MGAM2: variants seen among roughly 807,000 people sequenced by gnomAD.
MGAM2 encodes the protein probable maltase-glucoamylase 2.
MGAM2 carries 98 observed loss-of-function variants against 96.1 expected under a neutral mutation model. The observed-to-expected ratio is 1.02, with a 90% confidence interval of 0.87 to 1.21. The LOEUF is 1.21. Among genes scored for constraint, MGAM2 ranks in the 50% most tolerant of loss-of-function variants. The probability of loss-of-function intolerance (pLI) is 0.00; values close to 1 mark genes in which losing one functional copy is unlikely to be tolerated. For missense variants in MGAM2, 2,055 were observed against 1,182.4 expected (o/e 1.74, Z -10.82); for synonymous variants, 749 against 414.8 (o/e 1.81, Z -9.79).
At chr7:142,201,459 A>T (rs1347139612) in intron 45 of MGAM2, among the ~76,000 whole-genome samples, 1 of 152,166 alleles carries the variant, frequency 6.6e-6, no homozygotes, top group African/African-American at 2.4e-5. Flanking sequence ...ACTGTCTTTT[A>T]ATCAACTTTA....
chr7:142,131,671 G>A (rs576627214), intron 5 of MGAM2, 44 bp downstream of exon 5: 1 of 698,950 alleles, frequency 1.4e-6, no homozygotes, highest in East Asian at 2.7e-5. Context: ...GAAGAAAGCA[G>A]TGTGCTCACA....
At chr7:142,175,194 T>C (rs1475765346) in intron 31 of MGAM2, among the ~76,000 whole-genome samples, 1 of 152,176 alleles carries the variant, frequency 6.6e-6, no homozygotes, top group Non-Finnish European at 1.5e-5. Flanking sequence ...CTCTTATTAT[T>C]GTGAGATATG....
At chr7:142,188,447 AAAAC>A (rs1459891847) in intron 36 of MGAM2, among the ~76,000 whole-genome samples, 5 of 152,194 alleles carry the variant, frequency 3.3e-5, no homozygotes, top group South Asian at 2.1e-4. Context: ...CCCATAAAAA[AAAAC>A]AAACAAACAC....
chr7:142,187,681 A>G, intron 35 of MGAM2, 69 bp from the exon 36 acceptor site: 1 of 677,654 alleles, frequency 1.5e-6, no homozygotes, highest in East Asian at 2.7e-5. Flanking sequence ...TCCCTGAGTT[A>G]GTGTCCTCTA....
intron 10 of MGAM2, 138 bp from the exon 11 acceptor site, chr7:142,140,664 G>A: frequency 7.2e-6 from 4 of 556,500 alleles, no homozygotes; most frequent in Non-Finnish European, 9.5e-6. Flanking sequence ...TTTCTCCTAA[G>A]AAGTAGCCAA....
chr7:142,158,983 T>C (rs1161656384), intron 19 of MGAM2, among the ~76,000 whole-genome samples: 3 of 152,174 alleles, frequency 2.0e-5, no homozygotes, highest in Non-Finnish European at 4.4e-5. Flanking sequence ...TGGGAGGCTT[T>C]CCTGGGGCCT....
intron 20 of MGAM2, among the ~76,000 whole-genome samples, chr7:142,159,713 CT>C: frequency 6.6e-6 from 1 of 152,132 alleles, no homozygotes; most frequent in South Asian, 2.1e-4. Flanking sequence ...TACTATCACT[CT>C]GGGTATTAAG....
intron 3 of MGAM2, among the ~76,000 whole-genome samples, chr7:142,124,463 A>G (rs533143849): frequency 4.0e-4 from 61 of 152,204 alleles, no homozygotes; most frequent in African/African-American, 1.4e-3. Context: ...CTTAATAACT[A>G]TTGCTTTATG....
In MGAM2 at chr7:142,138,568, C is replaced by G. The variant is rs1156948828; in HGVS notation, c.987C>G (p.Pro329=). The change falls in exon 10 of 48, where the codon CCC becomes CCG. Residue 329 remains proline (P), a synonymous_variant. Coordinates refer to ENST00000477922, the MANE Select transcript of MGAM2 (RefSeq NM_001293626.2). The part of the protein sequence containing the change: ...LELVGRPFFP[P]YWSLGFQLSR... ...TTGTTGGACGGCCATTCTTCCCTCC[C>G]TATTGGAGTCTTGGGTTCCAGCTTA... 2 of 703,252 alleles carry G rather than the reference C, an allele frequency of 2.8e-6. No homozygotes were observed. The highest frequency in any genetic ancestry group is 3.0e-5 in the South Asian group (2 of 67,598). The allele number at this position is 703,252 out of a possible 1,614,324, so 43.6% of individuals were successfully genotyped here.
intron 8 of MGAM2, among the ~76,000 whole-genome samples, 168 bp from the exon 9 acceptor site, chr7:142,137,265 A>C (rs779089315): frequency 2.0e-5 from 3 of 151,974 alleles, no homozygotes; most frequent in Non-Finnish European, 4.4e-5. Flanking sequence ...TTACACATTC[A>C]ATACTTTGAT....
At chr7:142,173,439 A>G (rs1563275652) in intron 31 of MGAM2, 85 bp downstream of exon 31, 2 of 651,340 alleles carry the variant, frequency 3.1e-6, no homozygotes, top group Non-Finnish European at 5.6e-6. Flanking sequence ...TGATGTTCTT[A>G]TCAAAGATAA....
chr7:142,117,281 A>C (rs1228818382), intron 2 of MGAM2, among the ~76,000 whole-genome samples: 1 of 152,136 alleles, frequency 6.6e-6, no homozygotes, highest in Middle Eastern at 3.2e-3. Flanking sequence ...TACTGCCTTC[A>C]ATGAGAAAGG....
intron 35 of MGAM2, 132 bp downstream of exon 35, chr7:142,186,255 A>C: frequency 1.6e-6 from 1 of 612,288 alleles, no homozygotes; most frequent in African/African-American, 1.8e-5. Context: ...GCTGTTACAG[A>C]ATCTAGGTGC....
In MGAM2 at chr7:142,220,623, G is replaced by C. The variant is rs1797896125; in HGVS notation, c.6112G>C (p.Val2038Leu). The change falls in exon 48 of 48, where the codon GTT (valine) becomes CTT (leucine). Residue 2038 changes from valine to leucine, a missense_variant. Physicochemically the swap from Val to Leu is conservative, Grantham distance 32. Transcript: ENST00000477922. ...TATTGGTGTTACAACTGGTACTACT[G>C]TTCCTGATACAACTGCTCCTTTCCC... ...STIGVTTGTT[V>L]PDTTAPFPTS... 2 of 702,184 alleles carry C rather than the reference G, an allele frequency of 2.8e-6. No homozygotes were observed. Among genetic ancestry groups the C allele is most frequent in the African/African-American group, 1.7e-5 (1 of 57,176 alleles). The allele number at this position is 702,184 out of a possible 1,614,324, so 43.5% of individuals were successfully genotyped here.
At position 142,166,241 on chromosome 7, in the gene MGAM2, G is replaced by T. The variant is rs747466327; in HGVS notation, c.2796G>T (p.Gly932=). 7.1e-6 allele frequency: 5 copies of T among 699,706 alleles called. No homozygotes were observed. The African/African-American group carries it at 8.7e-5, about 12-fold the overall frequency. 43.3% of individuals were successfully genotyped at this position (699,706 alleles called of 1,614,324 possible). Residue 932 remains glycine, a synonymous_variant, in exon 25 of 48, where the codon GGG becomes GGT. Coordinates refer to ENST00000477922, the MANE Select transcript of MGAM2 (RefSeq NM_001293626.2). ...TASEESCRQR[G]CLWEDTSTPG... is the part of the protein sequence containing the mutation. ...CTGAGGAGAGTTGTAGGCAGCGGGG[G>T]TGTCTTTGGGAGGTAAATGACCAGA...
At position 142,148,712 on chromosome 7, in the gene MGAM2, G is replaced by C. The variant is rs1795463371; in HGVS notation, c.1634+1139G>C. On this transcript the variant is annotated intron_variant, in intron 15 of 47. Transcript: ENST00000477922. This position sits in a 1 kb window ranked among gnomAD's most constrained non-coding sequence, Gnocchi z 4.2. ...GCACAGATGCGGAAACTAAAGAGCT[G>C]CTGTGGATCCTCCAGTGGCTTAGGA... Among the ~76,000 whole-genome samples the C allele has an allele frequency of 6.6e-6, 1 of 152,186 alleles. No individual in the cohort carries two copies. The highest frequency in any genetic ancestry group is 6.5e-5 in the Admixed American group (1 of 15,284).
chr7:142,198,489 T>G, intron 43 of MGAM2, 126 bp from the exon 44 acceptor site: 1 of 595,202 alleles, frequency 1.7e-6, no homozygotes, highest in Admixed American at 2.9e-5. Flanking sequence ...GATTTTCTCT[T>G]TAGGTTTGCA....
chr7:142,144,792 T>C (rs970423013), intron 13 of MGAM2, 69 bp from the exon 14 acceptor site: 1 of 644,058 alleles, frequency 1.6e-6, no homozygotes, highest in Non-Finnish European at 2.8e-6. Flanking sequence ...CCTAGTTCAG[T>C]AAGCGTTTCT....
intron 3 of MGAM2, among the ~76,000 whole-genome samples, chr7:142,125,106 C>T (rs935307330): frequency 2.6e-5 from 4 of 152,130 alleles, no homozygotes; most frequent in South Asian, 2.1e-4. Flanking sequence ...TGAAAGGCAA[C>T]ATGCAGCTAT....
Sources: allele counts gnomAD v4.1 joint callset (sites outside exome capture counted in the v4.1 genomes callset), GRCh38; gene constraint gnomAD v4.1.1; non-coding constraint Gnocchi (gnomAD v3.1); transcripts MANE v1.5; gene names NCBI Gene and HGNC (gene_info 2026-07-23, HGNC 2026-07-21).